Variants in POFUT1 observed in about 807,000 individuals in gnomAD.
POFUT1 encodes protein O-fucosyltransferase 1.
POFUT1 carries 16 observed loss-of-function variants against 42.4 expected under a neutral mutation model. The ratio of observed to expected loss-of-function variants is 0.38; its 90% confidence interval spans 0.26 to 0.57. POFUT1 has a LOEUF of 0.57. Ranked by LOEUF, POFUT1 falls within the 20% of genes least tolerant of loss-of-function variation. The probability of loss-of-function intolerance (pLI) is 0.71; values close to 1 mark genes in which losing one functional copy is unlikely to be tolerated. For missense variants in POFUT1, 470 were observed against 504.6 expected, an observed-to-expected ratio of 0.93 and a Z score of 0.66; for synonymous variants, 206 against 205.4, an observed-to-expected ratio of 1.00 and a Z score of -0.03.
intron 4 of POFUT1, among the ~76,000 whole-genome samples, chr20:32,218,632 G>A (rs906231778): frequency 2.6e-5 from 4 of 152,038 alleles, no homozygotes; most frequent in South Asian, 4.1e-4. Flanking sequence ...TGCCTGCATG[G>A]TTCTCCCCCA....
chr20:32,216,496 G>A (rs2047361094), intron 3 of POFUT1, 113 bp from the exon 4 acceptor site: 4 of 676,188 alleles, frequency 5.9e-6, no homozygotes, highest in South Asian at 5.2e-5. Flanking sequence ...TCCTGTGAGA[G>A]TGTTTTGGCC....
At chr20:32,222,701 G>A (rs1191018444) in intron 4 of POFUT1, 5 of 985,422 alleles carry the variant, frequency 5.1e-6, no homozygotes, top group East Asian at 1.1e-4. Context: ...TCTTTACCAC[G>A]TGATTTCTGA....
At chr20:32,231,218 C>T in intron 6 of POFUT1, 157 bp downstream of exon 6, 1 of 730,310 alleles carries the variant, frequency 1.4e-6, no homozygotes, top group Non-Finnish European at 2.2e-6. Flanking sequence ...AACCCCAGCT[C>T]AGAGGCCTCC....
At chr20:32,232,047 G>A (rs1462385777) in intron 6 of POFUT1, among the ~76,000 whole-genome samples, 1 of 152,192 alleles carries the variant, frequency 6.6e-6, no homozygotes, top group Non-Finnish European at 1.5e-5. Context: ...CAGGCCTTAA[G>A]AGGCAGACAC....
At chr20:32,215,189 TG>T in intron 2 of POFUT1, 79 bp from the exon 3 acceptor site, 1 of 1,129,898 alleles carries the variant, frequency 8.9e-7, no homozygotes, top group Non-Finnish European at 1.3e-6. Flanking sequence ...GCACCTGGCC[TG>T]GAGTGTATTG....
intron 4 of POFUT1, chr20:32,223,807 T>C: frequency 1.9e-6 from 1 of 524,962 alleles, no homozygotes. Flanking sequence ...CTCAGCTCAT[T>C]GTCAAGGGTG....
chr20:32,228,123 CCT>C (rs1276687517), intron 4 of POFUT1, 138 bp from the exon 5 acceptor site: 3 of 589,172 alleles, frequency 5.1e-6, no homozygotes, highest in Non-Finnish European at 8.8e-6. Flanking sequence ...TATTTCACAA[CCT>C]CTCGTGTTTC....
At position 32,216,715 on chromosome 20, in the gene POFUT1, G is replaced by A. The variant is rs747844958; in HGVS notation, c.536G>A (p.Ser179Asn). ...SFSASYREQW[S>N]QRFSPKEHPV... ...AGTGCTTCCTACAGAGAACAATGGA[G>A]CCAGAGGTACTTGGAGGGGGTAGCG... The change falls in exon 4 of 7, where the codon AGC (serine) becomes AAC (asparagine). Residue 179 changes from serine (S) to asparagine (N), a missense_variant. Coordinates refer to ENST00000375749, the MANE Select transcript of POFUT1 (RefSeq NM_015352.2). 1.2e-6 allele frequency: 2 copies of A among 1,606,722 alleles called. No homozygotes were observed. The highest frequency in any genetic ancestry group is 1.3e-5 in the African/African-American group (1 of 74,750).
intron 5 of POFUT1, 64 bp downstream of exon 5, chr20:32,228,519 G>A (rs1455601651): frequency 5.6e-6 from 8 of 1,431,324 alleles, no homozygotes; most frequent in African/African-American, 2.8e-5. Flanking sequence ...GCCCTGGCCT[G>A]TAGGGATCGG....
intron 2 of POFUT1, among the ~76,000 whole-genome samples, chr20:32,214,806 C>T (rs944807200): frequency 6.6e-6 from 1 of 152,182 alleles, no homozygotes; most frequent in African/African-American, 2.4e-5. Context: ...GACTCTCCTG[C>T]TAGCCTGTCT....
intron 4 of POFUT1, among the ~76,000 whole-genome samples, chr20:32,218,943 G>A (rs2047376740): frequency 6.6e-6 from 1 of 152,218 alleles, no homozygotes; most frequent in Admixed American, 6.5e-5. Context: ...GTGCCTTACA[G>A]CCAAGTTTTT....
chr20:32,227,003 C>T (rs1462487570), intron 4 of POFUT1, among the ~76,000 whole-genome samples: 1 of 152,150 alleles, frequency 6.6e-6, no homozygotes, highest in Non-Finnish European at 1.5e-5. Flanking sequence ...TGCCTAACTG[C>T]CAAACTGTTT....
At chr20:32,210,489 G>A (rs1021045635) in intron 2 of POFUT1, among the ~76,000 whole-genome samples, 1 of 152,232 alleles carries the variant, frequency 6.6e-6, no homozygotes, top group African/African-American at 2.4e-5. Context: ...AGGAGAGCTG[G>A]AATTCAAAGC....
chr20:32,228,885 A>G (rs1040742388), intron 5 of POFUT1, among the ~76,000 whole-genome samples: 25 of 152,250 alleles, frequency 1.6e-4, no homozygotes, highest in Non-Finnish European at 1.8e-4. Context: ...AATGTGCAGA[A>G]TCCTTGTATT....
At chr20:32,210,244 T>G in intron 2 of POFUT1, 52 bp downstream of exon 2, 1 of 1,601,072 alleles carries the variant, frequency 6.2e-7, no homozygotes, top group African/African-American at 1.3e-5. Flanking sequence ...TCAGTCTTGC[T>G]TACTTACACT....
At chr20:32,229,293 A>T (rs929879540) in intron 5 of POFUT1, among the ~76,000 whole-genome samples, 6 of 152,250 alleles carry the variant, frequency 3.9e-5, no homozygotes, top group African/African-American at 1.2e-4. Flanking sequence ...GCTTATGAAC[A>T]CAAATGCATA....
At chr20:32,211,979 A>G (rs2047331639) in intron 2 of POFUT1, among the ~76,000 whole-genome samples, 1 of 152,034 alleles carries the variant, frequency 6.6e-6, no homozygotes, top group African/African-American at 2.4e-5. Flanking sequence ...CTGTTTGCTT[A>G]CTAGCTATGT....
At chr20:32,223,132 A>G (rs2047398838) in intron 4 of POFUT1, 1 of 985,458 alleles carries the variant, frequency 1.0e-6, no homozygotes, top group Non-Finnish European at 1.2e-6. Flanking sequence ...TCAGCAGCAC[A>G]GGCATGGTGG....
intron 4 of POFUT1, chr20:32,222,965 C>G: frequency 1.0e-6 from 1 of 984,804 alleles, no homozygotes; most frequent in African/African-American, 1.7e-5. Context: ...AAAGGCAGTC[C>G]TTCATGGCAG....
Sources: gnomAD v4.1 joint callset for allele counts (sites outside exome capture counted in the v4.1 genomes callset) on GRCh38, gnomAD v4.1.1 for gene constraint, MANE v1.5 for transcripts, NCBI Gene and HGNC (gene_info 2026-07-23, HGNC 2026-07-21) for gene names.